Variants in ZMIZ2 observed in about 807,000 individuals in gnomAD.
The protein encoded by ZMIZ2 is zinc finger MIZ-type containing 2, also known as zinc finger MIZ domain-containing protein 2.
Under a neutral mutation model 93.9 loss-of-function variants are expected in ZMIZ2, and 26 were observed. The ratio of observed to expected loss-of-function variants is 0.28; its 90% CI spans 0.20 to 0.38. The LOEUF (loss-of-function observed/expected upper bound fraction) is 0.38, where lower values mean the gene tolerates loss of function less well. Among genes scored for constraint, ZMIZ2 ranks in the 10% least tolerant of loss-of-function variants. ZMIZ2 has a pLI of 1.00. For synonymous variants in ZMIZ2, 485 were observed against 516.4 expected, an observed-to-expected ratio of 0.94 and a Z score of 0.82; for missense variants, 1,023 against 1,235.0, an observed-to-expected ratio of 0.83 and a Z score of 2.57.
In ZMIZ2 at chr7:44,761,603, G is replaced by GCCTGGCCCCCA; in HGVS notation, c.1385+15_1385+25dup. 6.2e-7 allele frequency: 1 copy of GCCTGGCCCCCA among 1,613,820 alleles called. No homozygotes were observed. The highest frequency in any genetic ancestry group is 8.5e-7 in the Non-Finnish European group (1 of 1,179,902). On this transcript the variant is annotated intron_variant, in intron 10 of 18. Transcript: ENST00000309315. This position sits in a 1 kb window ranked among gnomAD's most constrained non-coding sequence, Gnocchi z 5.8. ...AGACCCTGATAATGAGGTGAGCTCC[G>GCCTGGCCCCCA]CCTGGCCCCCACCTGACCCCCACGA... is the stretch of plus-strand genomic sequence containing the variant.
rs1379935011 is a variant in ZMIZ2, at chr7:44,761,919, G to A, written c.1596+14G>A. 1 of 1,602,022 alleles carries A rather than the reference G, an allele frequency of 6.2e-7. No individual in the cohort carries two copies. On this transcript the variant is annotated intron_variant, in intron 11 of 18. Coordinates refer to ENST00000309315, the MANE Select transcript of ZMIZ2 (RefSeq NM_031449.4). This position sits in a 1 kb window ranked among gnomAD's most constrained non-coding sequence, Gnocchi z 5.8. ...GCCTGCTGCTGCGTGCGTGTCCTGC[G>A]CCGAGGGGGCGGTGCTGTGGCGTGG...
chr7:44,760,224 G>A lies in ZMIZ2; in HGVS notation c.1067G>A (p.Ser356Asn), dbSNP rs1204136780. Residue 356 changes from serine to asparagine, a missense_variant, in exon 8 of 19, where the codon AGT becomes AAT. Ser to Asn is a conservative substitution (Grantham distance 46). Around this residue, in one of 3 missense-constraint regions of ZMIZ2, gnomAD observed 656 missense variants for 777.1 expected, o/e 0.84. Coordinates refer to ENST00000309315, the MANE Select transcript of ZMIZ2 (RefSeq NM_031449.4). The stretch of plus-strand genomic sequence containing the variant: ...GTCAGCTACAGCCAACCTGGCCTGA[G>A]TGGGGTAGGGGGCCTGGCCGGGAGG... ...GSVSYSQPGL[S>N]GPTRSIPGYP... 6.2e-7 allele frequency: 1 copy of A among 1,612,288 alleles called. No individual in the cohort carries two copies. Among genetic ancestry groups the A allele is most frequent in the Admixed American group, 1.7e-5 (1 of 59,764 alleles).
Position 44,760,551 on chromosome 7 carries a change from G to T in ZMIZ2, c.1198G>T (p.Asp400Tyr). ...AGAGGTCAAGTCTCCCTTCTTGCCT[G>T]ATCTCAAGCCCAACCTCAACTCCTT... Reference protein sequence around the residue: ...NQEVKSPFLPDLKPNLNSLHS... With the variant: ...NQEVKSPFLPYLKPNLNSLHS... Residue 400 changes from aspartate to tyrosine, a missense_variant, in exon 9 of 19, where the codon GAT (aspartate) becomes TAT (tyrosine). Coordinates refer to ENST00000309315, the MANE Select transcript of ZMIZ2 (RefSeq NM_031449.4). The T allele has an allele frequency of 1.2e-6, 2 of 1,614,094 alleles. No homozygotes were observed. Among genetic ancestry groups the T allele is most frequent in the Non-Finnish European group, 1.7e-6 (2 of 1,180,010 alleles).
chr7:44,757,204 A>T, intron 4 of ZMIZ2, 55 bp downstream of exon 4: 1 of 1,541,254 alleles, frequency 6.5e-7, no homozygotes, highest in East Asian at 2.4e-5. Context: ...TCTGGCAGGC[A>T]CCTCAGAACT....
At position 44,767,531 on chromosome 7, in the gene ZMIZ2, A is replaced by C; in HGVS notation, c.2671A>C (p.Thr891Pro). 6.2e-7 allele frequency: 1 copy of C among 1,614,048 alleles called. No homozygotes were observed. The highest frequency in any genetic ancestry group is 8.5e-7 in the Non-Finnish European group (1 of 1,179,970). ...TTGTCCTCAGCTGCTCCCGGAACTG[A>C]CCAACCCTGATGAGCTACTGTCCTA... The part of the protein sequence containing the change: ...EPALDLLPEL[T>P]NPDELLSYLG... The change falls in exon 19 of 19, where the codon ACC becomes CCC. Residue 891 changes from threonine (T) to proline (P), a missense_variant. Coordinates refer to ENST00000309315, the MANE Select transcript of ZMIZ2 (RefSeq NM_031449.4).
rs985201064 is a variant in ZMIZ2, at chr7:44,768,326, C to A, written c.*703C>A. 4 of 153,302 alleles carry A rather than the reference C, an allele frequency of 2.6e-5. No individual in the cohort carries two copies. The highest frequency in any genetic ancestry group is 4.8e-5 in the African/African-American group (2 of 41,434). The allele number at this position is 153,302 out of a possible 1,614,324, so 9.5% of individuals were successfully genotyped here. A position where few individuals can be genotyped will look rare whatever the true frequency, so the allele number is the denominator to read the frequency against. On this transcript the variant is annotated 3_prime_UTR_variant, in exon 19 of 19. Coordinates refer to ENST00000309315, the MANE Select transcript of ZMIZ2 (RefSeq NM_031449.4). ...AGCCAGCATGTTCCTGTTGTACAGC[C>A]CGGTCTCCCTGCGCGCTCTGCTCCT...
At position 44,757,506 on chromosome 7, in the gene ZMIZ2, C is replaced by T; in HGVS notation, c.497C>T (p.Ala166Val). ...GCCACTGCCACCGCCACAGCCACAG[C>T]CACCGTGGCTGCTCTCCAGGAGAAG... is the stretch of plus-strand genomic sequence containing the variant. ...AAATATATAT[A>V]TVAALQEKQS... is the part of the protein sequence containing the mutation. The change falls in exon 5 of 19, where the codon GCC becomes GTC. Residue 166 changes from alanine to valine, a missense_variant. Coordinates refer to ENST00000309315, the MANE Select transcript of ZMIZ2 (RefSeq NM_031449.4). 1 of 1,609,122 alleles carries T rather than the reference C, an allele frequency of 6.2e-7. No homozygotes were observed.
intron 11 of ZMIZ2, 32 bp from the exon 12 acceptor site, chr7:44,762,848 TC>T (rs1791344228): frequency 1.3e-6 from 2 of 1,539,818 alleles, no homozygotes; most frequent in African/African-American, 1.4e-5. Context: ...CTGGCCCAAG[TC>T]CCCCTGATGA....
At chr7:44,759,925 G>A in intron 7 of ZMIZ2, 1 of 569,830 alleles carries the variant, frequency 1.8e-6, no homozygotes, top group South Asian at 2.1e-5. Flanking sequence ...CTTGGGGGAG[G>A]AGAGGAGGAG....
chr7:44,761,116 G>A lies in ZMIZ2; in HGVS notation c.1241-333G>A, dbSNP rs940068428. On this transcript the variant is annotated intron_variant, in intron 9 of 18. Transcript: ENST00000309315. This position sits in a 1 kb window ranked among gnomAD's most constrained non-coding sequence, Gnocchi z 5.8. Reference sequence around the variant, plus strand: ...ATTGCAGGAGGCTCTCACACACCTTGGCCTCCCAGTCTCTCTGAAAGCACT... The same window carrying A: ...ATTGCAGGAGGCTCTCACACACCTTAGCCTCCCAGTCTCTCTGAAAGCACT... Among the ~76,000 whole-genome samples, 8 of 152,198 alleles carry A rather than the reference G, an allele frequency of 5.3e-5. No individual in the cohort carries two copies. Among genetic ancestry groups the A allele is most frequent in the Admixed American group, 5.2e-4 (8 of 15,274 alleles).
chr7:44,762,635 C>T (rs1791317774), intron 11 of ZMIZ2, among the ~76,000 whole-genome samples: 1 of 152,196 alleles, frequency 6.6e-6, no homozygotes, highest in Non-Finnish European at 1.5e-5. Flanking sequence ...CGGCAGGATG[C>T]CCAGCACAGC....
At position 44,766,383 on chromosome 7, in the gene ZMIZ2, C is replaced by T. The variant is rs752116747; in HGVS notation, c.2413-38C>T. The stretch of plus-strand genomic sequence containing the variant: ...GGGGCCCTGTCTCCCCAGGGGAGCC[C>T]CTGAGCTGTTTTAACAAATTCTTCT... On this transcript the variant is annotated intron_variant, in intron 17 of 18. Transcript: ENST00000309315. This position sits in a 1 kb window ranked among gnomAD's most constrained non-coding sequence, Gnocchi z 4.4. The T allele has an allele frequency of 3.2e-5, 52 of 1,612,668 alleles. No homozygotes were observed. The highest frequency in any genetic ancestry group is 1.7e-4 in the Admixed American group (10 of 59,920).
intron 4 of ZMIZ2, 91 bp from the exon 5 acceptor site, chr7:44,757,287 T>C: frequency 6.5e-7 from 1 of 1,527,678 alleles, no homozygotes; most frequent in Non-Finnish European, 8.7e-7. Context: ...AAGAATGGGC[T>C]CCCCCTGGGT....
chr7:44,758,972 C>T lies in ZMIZ2; in HGVS notation c.814-309C>T, dbSNP rs180888567. Among the ~76,000 whole-genome samples, 139 of 148,690 alleles carry T rather than the reference C, an allele frequency of 9.3e-4. 1 individual carries two copies. The highest frequency in any genetic ancestry group is 3.1e-3 in the African/African-American group (125 of 40,248). On this transcript the variant is annotated intron_variant, in intron 6 of 18. Coordinates refer to ENST00000309315, the MANE Select transcript of ZMIZ2 (RefSeq NM_031449.4). ...TGGTGTGCACCTGTAATTCCAGCTA[C>T]TTGGGAGGCTGAGGCAGGAGAATTG...
Position 44,761,842 on chromosome 7 carries a change from C to T in ZMIZ2, c.1533C>T (p.Tyr511=), listed in dbSNP as rs781598059. The T allele has an allele frequency of 4.3e-6, 7 of 1,614,106 alleles. No homozygotes were observed. The Admixed American group carries it at 8.3e-5, about 19-fold the overall frequency. The change falls in exon 11 of 19, where the codon TAC becomes TAT. Residue 511 remains tyrosine, a synonymous_variant. Transcript: ENST00000309315. This position sits in a 1 kb window ranked among gnomAD's most constrained non-coding sequence, Gnocchi z 5.8. Reference sequence around the variant, plus strand: ...ACAAGACCTCGCACAAGCCACTCTACCTGAAGCATGTGTGCCAGCCAGGCC... The same window carrying T: ...ACAAGACCTCGCACAAGCCACTCTATCTGAAGCATGTGTGCCAGCCAGGCC... ...GDNKTSHKPL[Y]LKHVCQPGRN...
At chr7:44,767,327 G>A (rs570925142) in intron 18 of ZMIZ2, among the ~76,000 whole-genome samples, 189 bp from the exon 19 acceptor site, 3 of 152,292 alleles carry the variant, frequency 2.0e-5, no homozygotes, top group Admixed American at 2.0e-4. Flanking sequence ...AGGTCCCAGG[G>A]GGTGGCGTGT....
intron 9 of ZMIZ2, 42 bp downstream of exon 9, chr7:44,760,635 G>A: frequency 6.2e-7 from 1 of 1,608,734 alleles, no homozygotes; most frequent in Non-Finnish European, 8.5e-7. Context: ...GACAAGGCCA[G>A]GGTGGGCATG....
chr7:44,762,604 G>T (rs1214759620), intron 11 of ZMIZ2, among the ~76,000 whole-genome samples: 1 of 152,212 alleles, frequency 6.6e-6, no homozygotes, highest in African/African-American at 2.4e-5. Flanking sequence ...TGGAGAAGTG[G>T]TGACTAGGCA....
chr7:44,768,620 G>C lies in ZMIZ2; in HGVS notation c.*997G>C, dbSNP rs1053729308. The C allele has an allele frequency of 2.0e-5, 3 of 152,496 alleles. No homozygotes were observed. The highest frequency in any genetic ancestry group is 1.9e-4 in the East Asian group (1 of 5,186). 9.4% of individuals were successfully genotyped at this position (152,496 alleles called of 1,614,324 possible). On this transcript the variant is annotated 3_prime_UTR_variant, in exon 19 of 19. Transcript: ENST00000309315. ...ATCTGTTGGCTCAGGGCCCCAGCCT[G>C]TGCGAGCAGGGCGCCTGGGCTGTTG...
Sources: allele counts gnomAD v4.1 joint callset (sites outside exome capture counted in the v4.1 genomes callset), GRCh38; gene constraint gnomAD v4.1.1; regional missense constraint gnomAD v4.1.1; non-coding constraint Gnocchi (gnomAD v3.1); transcripts MANE v1.5; gene names NCBI Gene and HGNC (gene_info 2026-07-23, HGNC 2026-07-21).